The following FRA10AC1 variants were observed in gnomAD, a reference collection of about 807,000 sequenced individuals.
FRA10AC1 encodes the protein FRA10A associated CGG repeat 1.
A neutral mutation model predicts 56.5 loss-of-function variants in FRA10AC1; 43 were observed. That is an observed-to-expected ratio of 0.76 (90% CI 0.60 to 0.98). The LOEUF (loss-of-function observed/expected upper bound fraction) is 0.98, where lower values mean the gene tolerates loss of function less well. Ranked by LOEUF, FRA10AC1 falls within the 50% of genes least tolerant of loss-of-function variation. The pLI is 0.00. For synonymous variants in FRA10AC1, 112 were observed against 110.5 expected (o/e 1.01, Z -0.09); for missense variants, 346 against 351.8 (o/e 0.98, Z 0.13).
intron 13 of FRA10AC1, 59 bp from the exon 14 acceptor site, chr10:93,669,927 C>T (rs759287266): frequency 2.5e-5 from 21 of 849,268 alleles, no homozygotes; most frequent in Non-Finnish European, 3.8e-5. Flanking sequence ...CTACATGATA[C>T]ATTATATGAG....
intron 11 of FRA10AC1, among the ~76,000 whole-genome samples, chr10:93,676,987 A>T (rs1031841496): frequency 6.6e-6 from 1 of 152,000 alleles, no homozygotes; most frequent in Non-Finnish European, 1.5e-5. Context: ...AACCTCACAG[A>T]TAATTAGCTG....
chr10:93,673,466 C>T (rs1187958317), intron 12 of FRA10AC1: 1 of 403,920 alleles, frequency 2.5e-6, no homozygotes, highest in Non-Finnish European at 4.8e-6. Flanking sequence ...GAGTGTGGTG[C>T]CTAAAATTAT....
intron 8 of FRA10AC1, 25 bp from the exon 9 acceptor site, chr10:93,685,384 C>T (rs2059008314): frequency 4.0e-6 from 4 of 1,005,380 alleles, no homozygotes; most frequent in African/African-American, 1.6e-5. Context: ...GGAATATTAG[C>T]TATGGTAGTT....
At chr10:93,692,764 AC>A in intron 5 of FRA10AC1, 35 bp from the exon 6 acceptor site, 1 of 1,411,260 alleles carries the variant, frequency 7.1e-7, no homozygotes, top group Non-Finnish European at 9.7e-7. Context: ...TAATACAAAA[AC>A]AAAAGTAGTC....
At chr10:93,690,828 G>A (rs1331748580) in intron 7 of FRA10AC1, among the ~76,000 whole-genome samples, 1 of 152,170 alleles carries the variant, frequency 6.6e-6, no homozygotes, top group Non-Finnish European at 1.5e-5. Flanking sequence ...TAGTTCATAA[G>A]AAACAGCAGT....
Position 93,681,531 on chromosome 10 carries a change from T to C in FRA10AC1, c.736A>G (p.Lys246Glu), listed in dbSNP as rs1359027470. The C allele has an allele frequency of 6.3e-7, 1 of 1,581,732 alleles. No homozygotes were observed. Among genetic ancestry groups the C allele is most frequent in the Non-Finnish European group, 8.6e-7 (1 of 1,168,914 alleles). The stretch of plus-strand genomic sequence containing the variant: ...TCTGCAGAAGATAATCTGGATTTTT[T>C]ATGTGATGACTCTTCACAGTCTTTT... ...TKKDCEESSH[K>E]KSRLSSAEEA... Residue 246 changes from lysine to glutamate, a missense_variant, in exon 11 of 14, where the codon AAA becomes GAA. Coordinates refer to ENST00000359204, the MANE Select transcript of FRA10AC1 (RefSeq NM_145246.5).
At chr10:93,669,889 A>G (rs1206284456) in intron 13 of FRA10AC1, 21 bp from the exon 14 acceptor site, 1 of 1,406,060 alleles carries the variant, frequency 7.1e-7, no homozygotes, top group Non-Finnish European at 9.9e-7. Flanking sequence ...AAAAAAGCAT[A>G]CTTAAGATCA....
At position 93,687,493 on chromosome 10, in the gene FRA10AC1, T is replaced by C. The variant is rs771699021; in HGVS notation, c.466-44A>G. 4.7e-5 allele frequency: 67 copies of C among 1,425,304 alleles called. No homozygotes were observed. The South Asian group carries it at 8.8e-4, about 19-fold the overall frequency. The allele number at this position is 1,425,304 out of a possible 1,614,324, so 88.3% of individuals were successfully genotyped here. A position where few individuals can be genotyped will look rare whatever the true frequency, so the allele number is the denominator to read the frequency against. The stretch of plus-strand genomic sequence containing the variant: ...CATTTATGCCAATGTAAATTTAAAT[T>C]ATACAGAAATCTAAACATGGAGCCA... On this transcript the variant is annotated intron_variant, in intron 7 of 13. Transcript: ENST00000359204.
chr10:93,690,529 G>A (rs1390117074), intron 7 of FRA10AC1, among the ~76,000 whole-genome samples: 1 of 151,820 alleles, frequency 6.6e-6, no homozygotes, highest in African/African-American at 2.4e-5. Context: ...TTAACCCACA[G>A]TACCTAGTCC....
At chr10:93,687,378 A>T (rs766179784) in intron 8 of FRA10AC1, 26 bp downstream of exon 8, 7 of 1,451,454 alleles carry the variant, frequency 4.8e-6, no homozygotes, top group Non-Finnish European at 6.5e-6. Flanking sequence ...TTATCCTATT[A>T]AAAAGTAAAA....
rs555259865 is a variant in FRA10AC1, at chr10:93,669,656, A to G, written c.*170T>C. 1 of 588,902 alleles carries G rather than the reference A, an allele frequency of 1.7e-6. No homozygotes were observed. Among genetic ancestry groups the G allele is most frequent in the African/African-American group, 1.9e-5 (1 of 51,756 alleles). 36.5% of individuals were successfully genotyped at this position (588,902 alleles called of 1,614,324 possible). On this transcript the variant is annotated 3_prime_UTR_variant, in exon 14 of 14. Coordinates refer to ENST00000359204, the MANE Select transcript of FRA10AC1 (RefSeq NM_145246.5). ...GACAGGAAAGTCTTTAATTGAACTA[A>G]TGAACTTCCAAAGCCTCTGACATTC...
intron 12 of FRA10AC1, chr10:93,671,741 C>A: frequency 3.7e-6 from 1 of 272,732 alleles, no homozygotes; most frequent in Non-Finnish European, 7.1e-6. Context: ...ATGTTAAAAA[C>A]ATATGCACAT....
chr10:93,685,333 A>ATTTT lies in FRA10AC1; in HGVS notation c.537_538insAAAA (p.Cys180LysfsTer3), dbSNP rs2059007469. On this transcript the variant is annotated frameshift_variant, in exon 9 of 14. Coordinates refer to ENST00000359204, the MANE Select transcript of FRA10AC1 (RefSeq NM_145246.5). LOFTEE classifies it high-confidence loss of function. ...CTCTTTAAGCCTTCTTTTTTATCAC[A>ATTTT]ATATTTATTTCCACAGAAAAATTGA... is the stretch of plus-strand genomic sequence containing the variant. 6.4e-7 allele frequency: 1 copy of ATTTT among 1,550,558 alleles called. No homozygotes were observed. Among genetic ancestry groups the ATTTT allele is most frequent in the Non-Finnish European group, 8.9e-7 (1 of 1,125,896 alleles).
intron 10 of FRA10AC1, among the ~76,000 whole-genome samples, chr10:93,682,804 C>CA (rs1176949029): frequency 6.6e-6 from 1 of 151,204 alleles, no homozygotes; most frequent in African/African-American, 2.4e-5. Context: ...GACCTTGTCT[C>CA]AAAAAAATAA....
At chr10:93,689,729 T>C (rs1209339625) in intron 7 of FRA10AC1, among the ~76,000 whole-genome samples, 1 of 152,168 alleles carries the variant, frequency 6.6e-6, no homozygotes, top group Admixed American at 6.6e-5. Flanking sequence ...TGTATATTAT[T>C]TCCTGACATA....
At chr10:93,699,443 A>G (rs1020325375) in intron 2 of FRA10AC1, among the ~76,000 whole-genome samples, 1 of 152,200 alleles carries the variant, frequency 6.6e-6, no homozygotes, top group African/African-American at 2.4e-5. Context: ...CTGAGTTTCT[A>G]TGCACTGAAA....
intron 7 of FRA10AC1, among the ~76,000 whole-genome samples, chr10:93,691,384 C>G (rs2059122039): frequency 6.6e-6 from 1 of 152,088 alleles, no homozygotes; most frequent in African/African-American, 2.4e-5. Flanking sequence ...ACTATATTGC[C>G]CAGGCTGGTC....
rs1422269388 is a variant in FRA10AC1, at chr10:93,694,911, A to G, written c.246T>C (p.Asn82=). The part of the protein sequence containing the change: ...DAYQRHTKFV[N]DYILYYGGKK... The stretch of plus-strand genomic sequence containing the variant: ...TGCCACCATAGTATAAAATATAGTC[A>G]TTTACGAACTTTGTATGTCTTTGAT... The change falls in exon 5 of 14, where the codon AAT becomes AAC. Residue 82 remains asparagine (N), a synonymous_variant. Coordinates refer to ENST00000359204, the MANE Select transcript of FRA10AC1 (RefSeq NM_145246.5). 5.7e-6 allele frequency: 9 copies of G among 1,577,160 alleles called. No individual in the cohort carries two copies. In the East Asian group the frequency reaches 2.0e-4, roughly 35 times the overall value.
chr10:93,677,284 G>T (rs1220090933), intron 11 of FRA10AC1, among the ~76,000 whole-genome samples: 1 of 152,086 alleles, frequency 6.6e-6, no homozygotes, highest in Non-Finnish European at 1.5e-5. Context: ...TAAGACCTCA[G>T]GGAAAATATT....
Sources: gnomAD v4.1 joint callset for allele counts (sites outside exome capture counted in the v4.1 genomes callset) on GRCh38, gnomAD v4.1.1 for gene constraint, MANE v1.5 for transcripts, NCBI Gene and HGNC (gene_info 2026-07-23, HGNC 2026-07-21) for gene names.